Variants in PCDHGB4 observed in about 807,000 individuals in gnomAD.
PCDHGB4 encodes the protein protocadherin gamma subfamily B, 4, also known as protocadherin gamma-B4.
A neutral mutation model predicts 60.5 loss-of-function variants in PCDHGB4; 38 were observed. The ratio of observed to expected loss-of-function variants is 0.63; its 90% confidence interval spans 0.48 to 0.82. The LOEUF is 0.82. Among genes scored for constraint, PCDHGB4 ranks in the 40% least tolerant of loss-of-function variants. The pLI, the probability that PCDHGB4 is intolerant of heterozygous loss-of-function variation, is 0.00. For synonymous variants in PCDHGB4, 456 were observed against 509.7 expected (o/e 0.89, Z 1.42); for missense variants, 1,109 against 1,209.6 (o/e 0.92, Z 1.23).
At chr5:141,429,577 T>C (rs2097225544) in intron 1 of PCDHGB4, among the ~76,000 whole-genome samples, 2 of 152,230 alleles carry the variant, frequency 1.3e-5, no homozygotes, top group South Asian at 4.1e-4. Context: ...TTACATTTAC[T>C]TTTGATTCTT....
intron 1 of PCDHGB4, among the ~76,000 whole-genome samples, chr5:141,436,383 G>C (rs1374382672): frequency 6.6e-6 from 1 of 152,104 alleles, no homozygotes; most frequent in Admixed American, 6.5e-5. Context: ...AGCTGAATAG[G>C]CTTTATTAAA....
At chr5:141,461,963 C>T (rs1396490046) in intron 1 of PCDHGB4, among the ~76,000 whole-genome samples, 1 of 152,084 alleles carries the variant, frequency 6.6e-6, no homozygotes, top group Non-Finnish European at 1.5e-5. Flanking sequence ...AGCTGGGATT[C>T]CAGGCATATG....
In PCDHGB4 at chr5:141,432,508, G is replaced by A. The variant is rs1306067848; in HGVS notation, c.2397+42227G>A. ...TGGAGCTGGCTCCCCGCTCCGCAGA[G>A]CCCGGCTACCTGGTGACCAAGGTGG... On this transcript the variant is annotated intron_variant, in intron 1 of 3. Coordinates refer to ENST00000519479, the MANE Select transcript of PCDHGB4 (RefSeq NM_003736.4). This position sits in a 1 kb window ranked among gnomAD's most constrained non-coding sequence, Gnocchi z 6.0. The A allele has an allele frequency of 1.9e-6, 3 of 1,614,136 alleles. No individual in the cohort carries two copies. Among genetic ancestry groups the A allele is most frequent in the Non-Finnish European group, 2.5e-6 (3 of 1,180,034 alleles).
In PCDHGB4 at chr5:141,476,574, G is replaced by C. The variant is rs746783993; in HGVS notation, c.2398-18233G>C. The C allele has an allele frequency of 1.1e-5, 18 of 1,614,084 alleles. No homozygotes were observed. The Admixed American group carries it at 1.8e-4, about 16-fold the overall frequency. On this transcript the variant is annotated intron_variant, in intron 1 of 3. Coordinates refer to ENST00000519479, the MANE Select transcript of PCDHGB4 (RefSeq NM_003736.4). The surrounding 1 kb of genome is among the most constrained non-coding windows in gnomAD (Gnocchi z 7.6). ...AGCGAGGCCGTGGCTCCGGGGACGC[G>C]CTTTCCGCTCGAGAGCGCGCACGAT...
At chr5:141,422,463 C>T in intron 1 of PCDHGB4, 1 of 1,613,472 alleles carries the variant, frequency 6.2e-7, no homozygotes, top group African/African-American at 1.3e-5. Context: ...GAGTGCTGGA[C>T]AGGGAGTTGG....
Position 141,486,059 on chromosome 5 carries a change from C to A in PCDHGB4, c.2398-8748C>A. On this transcript the variant is annotated intron_variant, in intron 1 of 3. Transcript: ENST00000519479. This position sits in a 1 kb window ranked among gnomAD's most constrained non-coding sequence, Gnocchi z 5.0. ...TCGTGTAAGAAACCTCTTTAGCCTG[C>A]ACCCCACTACTGGAAAGCTTACTCT... 1 of 1,614,152 alleles carries A rather than the reference C, an allele frequency of 6.2e-7. No homozygotes were observed. Among genetic ancestry groups the A allele is most frequent in the Non-Finnish European group, 8.5e-7 (1 of 1,180,010 alleles).
At chr5:141,467,514 T>C (rs2154569535) in intron 1 of PCDHGB4, among the ~76,000 whole-genome samples, 1 of 152,362 alleles carries the variant, frequency 6.6e-6, no homozygotes, top group South Asian at 2.1e-4. Flanking sequence ...TTGGAGTTTA[T>C]TCTTTTGTGT....
chr5:141,510,986 G>A lies in PCDHGB4; in HGVS notation c.2585G>A (p.Gly862Asp), dbSNP rs754203270. The A allele has an allele frequency of 6.2e-7, 1 of 1,614,166 alleles. No individual in the cohort carries two copies. The highest frequency in any genetic ancestry group is 8.5e-7 in the Non-Finnish European group (1 of 1,180,012). The change falls in exon 4 of 4, where the codon GGC becomes GAC. Residue 862 changes from glycine to aspartate, a missense_variant. Physicochemically the swap from Gly to Asp is moderately conservative, Grantham distance 94. Around this residue, in one of 2 missense-constraint regions of PCDHGB4, gnomAD observed 1,068 missense variants for 1,089.9 expected, o/e 0.98. Transcript: ENST00000519479. ...DGSSTLGGGA[G>D]TMGLSARYGP... ...AGCTCCACCCTGGGAGGGGGTGCCG[G>A]CACCATGGGATTGAGCGCCCGCTAC... is the stretch of plus-strand genomic sequence containing the variant.
At chr5:141,438,579 CAT>C (rs2097974137) in intron 1 of PCDHGB4, among the ~76,000 whole-genome samples, 1 of 55,780 alleles carries the variant, frequency 1.8e-5, no homozygotes, top group Admixed American at 2.8e-4. Context: ...GATATACATA[CAT>C]ACATACATAC....
rs375665864 is a variant in PCDHGB4, at chr5:141,469,524, A to G, written c.2398-25283A>G. Among the ~76,000 whole-genome samples the G allele has an allele frequency of 2.4e-4, 36 of 152,260 alleles. No homozygotes were observed. The East Asian group carries it at 3.1e-3, about 13-fold the overall frequency. On this transcript the variant is annotated intron_variant, in intron 1 of 3. Coordinates refer to ENST00000519479, the MANE Select transcript of PCDHGB4 (RefSeq NM_003736.4). ...CGGGAGGTGGAGGTTGCAGTGAGCCAAGATTGTGCCACTGCACTCCAGCCT... is the reference window on the plus strand; with the variant it reads ...CGGGAGGTGGAGGTTGCAGTGAGCCGAGATTGTGCCACTGCACTCCAGCCT...
At chr5:141,394,618 C>T (rs1439211567) in intron 1 of PCDHGB4, 2 of 1,613,396 alleles carry the variant, frequency 1.2e-6, no homozygotes, top group African/African-American at 1.3e-5. Context: ...GGCCAGAACG[C>T]CTGGCTGTCC....
intron 1 of PCDHGB4, among the ~76,000 whole-genome samples, chr5:141,407,024 A>G (rs909800590): frequency 6.6e-6 from 1 of 152,232 alleles, no homozygotes; most frequent in Non-Finnish European, 1.5e-5. Context: ...TCAAAATTCT[A>G]TGCTAAACAT....
rs749415234 is a variant in PCDHGB4, at chr5:141,419,462, C to A, written c.2397+29181C>A. On this transcript the variant is annotated intron_variant, in intron 1 of 3. Transcript: ENST00000519479. Reference sequence around the variant, plus strand: ...CACCTTCGAGCTCACGCTGCAGGCCCGCGACCAGGGCTCGCCCGCGCTCAG... The same window carrying A: ...CACCTTCGAGCTCACGCTGCAGGCCAGCGACCAGGGCTCGCCCGCGCTCAG... 2.5e-6 allele frequency: 4 copies of A among 1,612,582 alleles called. No homozygotes were observed. In the Admixed American group the frequency reaches 6.7e-5, roughly 27 times the overall value.
At chr5:141,458,988 C>T (rs996478276) in intron 1 of PCDHGB4, among the ~76,000 whole-genome samples, 1 of 152,208 alleles carries the variant, frequency 6.6e-6, no homozygotes, top group South Asian at 2.1e-4. Context: ...CTGCCTCACC[C>T]TCCCAAAGTG....
At chr5:141,414,897 C>G in intron 1 of PCDHGB4, 1 of 1,614,230 alleles carries the variant, frequency 6.2e-7, no homozygotes, top group Non-Finnish European at 8.5e-7. Flanking sequence ...TCCCCACAGA[C>G]GGTTCCACAG....
rs368718827 is a variant in PCDHGB4, at chr5:141,410,231, G to A, written c.2397+19950G>A. On this transcript the variant is annotated intron_variant, in intron 1 of 3. Transcript: ENST00000519479. ...GCAAGAGATACTGCCAGACCTCAGC[G>A]ACCGCCCTGTACTCTCTGACCCCCA... 8.7e-6 allele frequency: 14 copies of A among 1,613,888 alleles called. No homozygotes were observed. The highest frequency in any genetic ancestry group is 1.6e-4 in the Middle Eastern group (1 of 6,084).
chr5:141,475,761 T>C (rs1430719406), intron 1 of PCDHGB4, among the ~76,000 whole-genome samples: 3 of 152,248 alleles, frequency 2.0e-5, no homozygotes, highest in Admixed American at 6.5e-5. Flanking sequence ...GCACCGATAC[T>C]GGCAAGGCGC....
Position 141,428,104 on chromosome 5 carries a change from T to C in PCDHGB4, c.2397+37823T>C, listed in dbSNP as rs751953406. ...AACGCTTGGCTGTCCTACCACGTGCTGCAGGCCATCGAGCCCGGGCTTTTC... is the reference window on the plus strand; with the variant it reads ...AACGCTTGGCTGTCCTACCACGTGCCGCAGGCCATCGAGCCCGGGCTTTTC... On this transcript the variant is annotated intron_variant, in intron 1 of 3. Coordinates refer to ENST00000519479, the MANE Select transcript of PCDHGB4 (RefSeq NM_003736.4). The C allele has an allele frequency of 1.9e-6, 3 of 1,608,398 alleles. No individual in the cohort carries two copies. The South Asian group carries it at 3.3e-5, about 18-fold the overall frequency.
chr5:141,503,910 G>A (rs1311674998), intron 2 of PCDHGB4, among the ~76,000 whole-genome samples: 1 of 152,062 alleles, frequency 6.6e-6, no homozygotes, highest in Admixed American at 6.6e-5. Flanking sequence ...CACACACAAC[G>A]CAACACACAC....
Sources: gnomAD v4.1 joint callset for allele counts (sites outside exome capture counted in the v4.1 genomes callset) on GRCh38, gnomAD v4.1.1 for gene constraint, gnomAD v4.1.1 regional missense constraint, Gnocchi (gnomAD v3.1) non-coding constraint, MANE v1.5 for transcripts, NCBI Gene and HGNC (gene_info 2026-07-23, HGNC 2026-07-21) for gene names.